The following OCA2 variants were observed in gnomAD, a reference collection of about 807,000 sequenced individuals.
OCA2 encodes the protein OCA2 melanosomal transmembrane protein, also known as P protein.
In OCA2, 77 loss-of-function variants were observed where a neutral mutation model predicts 100.2. The observed-to-expected ratio is 0.77, with a 90% CI of 0.64 to 0.93. The LOEUF (loss-of-function observed/expected upper bound fraction) is 0.93. OCA2 is among the 40% of genes least tolerant of loss of function. The pLI, the probability that OCA2 is intolerant of heterozygous loss-of-function variation, is 0.00. For synonymous variants in OCA2, 432 were observed against 439.2 expected (o/e 0.98, Z 0.21); for missense variants, 1,062 against 1,089.1 (o/e 0.98, Z 0.35).
intron 23 of OCA2, 62 bp downstream of exon 23, chr15:27,844,897 T>C (rs2035474332): frequency 8.3e-7 from 1 of 1,199,838 alleles, no homozygotes; most frequent in Non-Finnish European, 1.2e-6. Flanking sequence ...GTTATTTTTT[T>C]AATTAAGTAA....
chr15:28,064,052 C>T (rs1231295686), intron 2 of OCA2, among the ~76,000 whole-genome samples: 1 of 152,050 alleles, frequency 6.6e-6, no homozygotes, highest in East Asian at 1.9e-4. Flanking sequence ...TTTTGAAGGG[C>T]AGTTTTGCCA....
At chr15:27,810,708 A>G (rs1038050605) in intron 23 of OCA2, among the ~76,000 whole-genome samples, 1 of 152,254 alleles carries the variant, frequency 6.6e-6, no homozygotes, top group Admixed American at 6.5e-5. Flanking sequence ...GAAAGTGGGC[A>G]AAGGACATGA....
At chr15:27,905,108 G>T (rs2038121865) in intron 19 of OCA2, among the ~76,000 whole-genome samples, 1 of 147,690 alleles carries the variant, frequency 6.8e-6, no homozygotes. Context: ...AGGTTGCAAT[G>T]AGCCAAGATC....
At chr15:27,795,059 C>T (rs905242137) in intron 23 of OCA2, among the ~76,000 whole-genome samples, 3 of 152,124 alleles carry the variant, frequency 2.0e-5, no homozygotes, top group African/African-American at 4.8e-5. Context: ...TGTTAATCAC[C>T]GAGTGGCTTA....
intron 19 of OCA2, among the ~76,000 whole-genome samples, chr15:27,916,938 A>C (rs2038686891): frequency 6.6e-6 from 1 of 152,142 alleles, no homozygotes; most frequent in Admixed American, 6.5e-5. Flanking sequence ...GAAGCCCTCA[A>C]AATGTGGAAG....
chr15:27,989,556 T>A, intron 11 of OCA2, 45 bp downstream of exon 11: 1 of 1,539,124 alleles, frequency 6.5e-7, no homozygotes, highest in Non-Finnish European at 9.0e-7. Flanking sequence ...AAGGCCCGGT[T>A]ACCGCAGGCG....
chr15:27,723,298 A>G, the OCA2 span, among the ~76,000 whole-genome samples: 2 of 151,956 alleles, frequency 1.3e-5, no homozygotes, highest in Non-Finnish European at 2.9e-5. Flanking sequence ...CCTGGAGCAT[A>G]GTAGGAGTGC....
At chr15:27,814,939 GATA>G (rs1566985876) in intron 23 of OCA2, among the ~76,000 whole-genome samples, 22 of 134,784 alleles carry the variant, frequency 1.6e-4, no homozygotes, top group African/African-American at 5.4e-4. Flanking sequence ...TAGATAGATA[GATA>G]GATACAGAGA....
Position 27,817,987 on chromosome 15 carries a change from G to A in OCA2, c.2432+26972C>T, listed in dbSNP as rs151103569. ...GTCAAAATTTTAAGCCCTAAGAAAT[G>A]TACTTCTTATTTTCTTCAGGAAGAC... On this transcript the variant is annotated intron_variant, in intron 23 of 23. Coordinates refer to ENST00000354638, the MANE Select transcript of OCA2 (RefSeq NM_000275.3). Among the ~76,000 whole-genome samples, 3 of 152,290 alleles carry A rather than the reference G, an allele frequency of 2.0e-5. No individual in the cohort carries two copies. In the East Asian group the frequency reaches 5.8e-4, roughly 29 times the overall value.
At chr15:27,821,206 G>A (rs1455400403) in intron 23 of OCA2, among the ~76,000 whole-genome samples, 1 of 152,062 alleles carries the variant, frequency 6.6e-6, no homozygotes, top group Non-Finnish European at 1.5e-5. Context: ...TATTAGAGAG[G>A]TTATGCACAC....
intron 19 of OCA2, among the ~76,000 whole-genome samples, chr15:27,894,143 T>C (rs1029466473): frequency 2.6e-4 from 39 of 152,308 alleles, no homozygotes; most frequent in African/African-American, 8.2e-4. Flanking sequence ...CTGACACTTA[T>C]GGATAATAGA....
At chr15:27,722,870 C>T in the OCA2 span, among the ~76,000 whole-genome samples, 1 of 149,874 alleles carries the variant, frequency 6.7e-6, no homozygotes, top group Non-Finnish European at 1.5e-5. Flanking sequence ...TTGGCTGAGT[C>T]TCTCTCTGTT....
chr15:27,806,745 A>G (rs2033869003), intron 23 of OCA2, among the ~76,000 whole-genome samples: 1 of 152,252 alleles, frequency 6.6e-6, no homozygotes, highest in Non-Finnish European at 1.5e-5. Flanking sequence ...TTCTACAGAA[A>G]TAAAAAAGAA....
At chr15:27,756,956 C>T (rs2030426495) in intron 23 of OCA2, among the ~76,000 whole-genome samples, 2 of 152,188 alleles carry the variant, frequency 1.3e-5, no homozygotes, top group South Asian at 2.1e-4. Context: ...CCTAGCATCA[C>T]CAAACATTTT....
intron 19 of OCA2, among the ~76,000 whole-genome samples, chr15:27,872,483 C>T (rs1023535795): frequency 2.0e-5 from 3 of 152,132 alleles, no homozygotes; most frequent in African/African-American, 7.2e-5. Flanking sequence ...CAGGAGCCTT[C>T]TGCCCAGGTG....
At chr15:27,891,938 A>G (rs1297046779) in intron 19 of OCA2, among the ~76,000 whole-genome samples, 11 of 152,188 alleles carry the variant, frequency 7.2e-5, no homozygotes, top group Non-Finnish European at 1.3e-4. Flanking sequence ...CCAGCTAAGT[A>G]GACTTCAAAA....
At chr15:27,856,733 C>CAT (rs917467731) in intron 21 of OCA2, among the ~76,000 whole-genome samples, 6 of 148,372 alleles carry the variant, frequency 4.0e-5, no homozygotes, top group African/African-American at 1.3e-4. Flanking sequence ...CACACACACA[C>CAT]ATTTTTTGGG....
intron 23 of OCA2, among the ~76,000 whole-genome samples, chr15:27,815,591 C>T (rs1443675688): frequency 6.6e-6 from 1 of 152,148 alleles, no homozygotes; most frequent in Non-Finnish European, 1.5e-5. Flanking sequence ...ACTAGCAATT[C>T]CACTTCTAAT....
At chr15:27,981,581 A>T (rs2041162044) in intron 14 of OCA2, among the ~76,000 whole-genome samples, 1 of 152,204 alleles carries the variant, frequency 6.6e-6, no homozygotes, top group South Asian at 2.1e-4. Context: ...CTGAGGCAAG[A>T]CACTTGTGAG....
Sources: gnomAD v4.1 joint callset for allele counts (sites outside exome capture counted in the v4.1 genomes callset) on GRCh38, gnomAD v4.1.1 for gene constraint, MANE v1.5 for transcripts, NCBI Gene and HGNC (gene_info 2026-07-23, HGNC 2026-07-21) for gene names.